The following MYOM1 variants were observed in gnomAD, a reference collection of about 807,000 sequenced individuals.
MYOM1 encodes the protein myomesin 1, also known as myomesin-1.
A neutral mutation model predicts 205.3 loss-of-function variants in MYOM1; 164 were observed. The observed-to-expected ratio is 0.80, with a 90% CI of 0.70 to 0.91. The LOEUF (loss-of-function observed/expected upper bound fraction) is 0.91, where lower values mean the gene tolerates loss of function less well. MYOM1 is among the 40% of genes least tolerant of loss of function. The pLI, the probability that MYOM1 is intolerant of heterozygous loss-of-function variation, is 0.00. For synonymous variants in MYOM1, 772 were observed against 789.4 expected, an observed-to-expected ratio of 0.98 and a Z score of 0.37; for missense variants, 2,011 against 2,127.3, an observed-to-expected ratio of 0.95 and a Z score of 1.08.
chr18:3,143,196 T>C (rs899569346), intron 13 of MYOM1, among the ~76,000 whole-genome samples: 10 of 152,158 alleles, frequency 6.6e-5, no homozygotes, highest in Non-Finnish European at 1.5e-4. Context: ...GCAATCATTC[T>C]TGTAGTGTAG....
chr18:3,127,315 T>A (rs2079807997), intron 18 of MYOM1, among the ~76,000 whole-genome samples: 3 of 112,402 alleles, frequency 2.7e-5, no homozygotes, highest in African/African-American at 1.1e-4. Context: ...ATTTTTTTTT[T>A]TTTTTTTTTT....
chr18:3,245,579 T>TC, the MYOM1 span, among the ~76,000 whole-genome samples: 14,735 of 152,208 alleles, frequency 0.097, 937 homozygotes, highest in East Asian at 0.33. Flanking sequence ...ATGCTATTTT[T>TC]CCACATTGGT....
intron 9 of MYOM1, among the ~76,000 whole-genome samples, chr18:3,168,003 G>A (rs1275080983): frequency 6.6e-6 from 1 of 152,120 alleles, no homozygotes; most frequent in Non-Finnish European, 1.5e-5. Flanking sequence ...TAAAACAAAA[G>A]GATCATTTTA....
At chr18:3,239,756 CAAAAAA>C in the MYOM1 span, among the ~76,000 whole-genome samples, 120 of 42,210 alleles carry the variant, frequency 2.8e-3, 1 homozygote, top group African/African-American at 9.5e-3. Flanking sequence ...CACCTTGTCT[CAAAAAA>C]AAAAAAAAAA....
At chr18:3,215,667 G>A (rs868321899) in intron 1 of MYOM1, among the ~76,000 whole-genome samples, 1 of 152,042 alleles carries the variant, frequency 6.6e-6, no homozygotes, top group Non-Finnish European at 1.5e-5. Flanking sequence ...AGGGTATGAA[G>A]TTTAACATAA....
intron 9 of MYOM1, among the ~76,000 whole-genome samples, chr18:3,168,485 C>G (rs1037632573): frequency 6.6e-6 from 1 of 152,108 alleles, no homozygotes; most frequent in Non-Finnish European, 1.5e-5. Context: ...GACAGGGTTT[C>G]GTCATGTTGG....
At chr18:3,234,542 G>A in the MYOM1 span, among the ~76,000 whole-genome samples, 1 of 152,160 alleles carries the variant, frequency 6.6e-6, no homozygotes, top group African/African-American at 2.4e-5. Flanking sequence ...TTAGACCCAA[G>A]AGATTCTAGG....
At chr18:3,202,204 A>G (rs116167493) in intron 2 of MYOM1, among the ~76,000 whole-genome samples, 2,876 of 152,310 alleles carry the variant, frequency 0.019, 93 homozygotes, top group African/African-American at 0.065. Flanking sequence ...GAATATAGTC[A>G]AGAAACAAAA....
chr18:3,140,178 A>G (rs2080027581), intron 14 of MYOM1, among the ~76,000 whole-genome samples: 1 of 152,132 alleles, frequency 6.6e-6, no homozygotes, highest in African/African-American at 2.4e-5. Context: ...AGGCTGAGGC[A>G]GGAGGATTAC....
intron 19 of MYOM1, among the ~76,000 whole-genome samples, chr18:3,124,932 C>G (rs978199784): frequency 2.0e-5 from 3 of 152,128 alleles, no homozygotes; most frequent in African/African-American, 7.2e-5. Flanking sequence ...TACAGACCTG[C>G]AAAGGATTTC....
At chr18:3,132,212 T>C (rs1029883326) in intron 16 of MYOM1, among the ~76,000 whole-genome samples, 16 of 151,180 alleles carry the variant, frequency 1.1e-4, no homozygotes, top group South Asian at 4.2e-4. Context: ...AGTGCAGTAG[T>C]GCAATCTCAG....
At chr18:3,162,023 T>G (rs2080398261) in intron 10 of MYOM1, among the ~76,000 whole-genome samples, 4 of 152,210 alleles carry the variant, frequency 2.6e-5, no homozygotes, top group Non-Finnish European at 5.9e-5. Flanking sequence ...CTTTTGGAAG[T>G]CTGTGGATCC....
At chr18:3,071,244 T>C (rs4798062) in intron 37 of MYOM1, among the ~76,000 whole-genome samples, 49,045 of 152,158 alleles carry the variant, frequency 0.32, 8,155 homozygotes, top group African/African-American at 0.38. Flanking sequence ...AACATGTTCA[T>C]TTTCTCATAA....
chr18:3,107,707 T>G (rs1158470100), intron 22 of MYOM1, among the ~76,000 whole-genome samples: 1 of 152,202 alleles, frequency 6.6e-6, no homozygotes, highest in Non-Finnish European at 1.5e-5. Context: ...AAATTACCAA[T>G]GAAACCGCCT....
chr18:3,232,331 GA>G, the MYOM1 span, among the ~76,000 whole-genome samples: 62 of 143,608 alleles, frequency 4.3e-4, no homozygotes, highest in South Asian at 1.1e-3. Flanking sequence ...CTCCATCATG[GA>G]AAAAAAAAAA....
intron 9 of MYOM1, among the ~76,000 whole-genome samples, chr18:3,168,373 C>T (rs1055398345): frequency 6.6e-6 from 1 of 152,136 alleles, no homozygotes; most frequent in Non-Finnish European, 1.5e-5. Flanking sequence ...ACTGCAACCT[C>T]TGCCTCCTGG....
intron 30 of MYOM1, 120 bp from the exon 31 acceptor site, chr18:3,085,252 T>TGC: frequency 5.5e-6 from 2 of 366,516 alleles, no homozygotes; most frequent in South Asian, 8.3e-5. Context: ...TTTTTTTTTT[T>TGC]TTTTTTTTTT....
At chr18:3,202,517 A>G (rs1232148690) in intron 2 of MYOM1, among the ~76,000 whole-genome samples, 1 of 152,208 alleles carries the variant, frequency 6.6e-6, no homozygotes, top group Admixed American at 6.5e-5. Context: ...GGTAAGCTAT[A>G]GTAATATAAA....
intron 20 of MYOM1, among the ~76,000 whole-genome samples, chr18:3,118,848 C>T (rs946048312): frequency 6.6e-6 from 1 of 152,054 alleles, no homozygotes; most frequent in African/African-American, 2.4e-5. Context: ...TTGCTGAAGT[C>T]GAGAGAGCAC....
Sources: allele counts gnomAD v4.1 joint callset (sites outside exome capture counted in the v4.1 genomes callset), GRCh38; gene constraint gnomAD v4.1.1; transcripts MANE v1.5; gene names NCBI Gene and HGNC (gene_info 2026-07-23, HGNC 2026-07-21).